The following ZPLD1 variants were observed in gnomAD, a reference collection of about 807,000 sequenced individuals.
The protein encoded by ZPLD1 is zona pellucida-like domain-containing protein 1.
Under a neutral mutation model 47.2 loss-of-function variants are expected in ZPLD1, and 34 were observed. The ratio of observed to expected loss-of-function variants is 0.72; its 90% confidence interval spans 0.55 to 0.96. The LOEUF is 0.96. Ranked by LOEUF, ZPLD1 falls within the 40% of genes least tolerant of loss-of-function variation. The pLI is 0.00. For synonymous variants in ZPLD1, 176 were observed against 186.2 expected (o/e 0.95, Z 0.45); for missense variants, 512 against 505.8 (o/e 1.01, Z -0.12).
intron 5 of ZPLD1, among the ~76,000 whole-genome samples, chr3:102,457,553 G>T (rs1328179796): frequency 1.3e-5 from 2 of 152,192 alleles, no homozygotes; most frequent in South Asian, 2.1e-4. Context: ...AAACAAAAAA[G>T]ATTGCTTTAA....
intron 7 of ZPLD1, among the ~76,000 whole-genome samples, chr3:102,413,136 T>C (rs955374842): frequency 1.3e-5 from 2 of 151,888 alleles, no homozygotes; most frequent in South Asian, 2.1e-4. Flanking sequence ...AGAATATATA[T>C]AGAAACAAAC....
At chr3:102,433,236 G>C (rs1488301265), upstream of ZPLD1, among the ~76,000 whole-genome samples, 1 of 152,152 alleles carries the variant, frequency 6.6e-6, no homozygotes, top group Non-Finnish European at 1.5e-5. Flanking sequence ...ATTTGATTTA[G>C]CATTATATGC....
At chr3:102,465,100 T>C (rs1257202548) in intron 8 of ZPLD1, among the ~76,000 whole-genome samples, 3 of 152,232 alleles carry the variant, frequency 2.0e-5, no homozygotes, top group African/African-American at 7.2e-5. Context: ...GCAACATTTT[T>C]GGGAAAAATT....
intron 3 of ZPLD1, among the ~76,000 whole-genome samples, chr3:102,446,746 C>T (rs1338789650): frequency 6.6e-6 from 1 of 152,166 alleles, no homozygotes; most frequent in Non-Finnish European, 1.5e-5. Context: ...CACCTCTTTG[C>T]TACCAAGACA....
chr3:102,390,056 C>T (rs751210784), intron 6 of ZPLD1, among the ~76,000 whole-genome samples: 1 of 152,098 alleles, frequency 6.6e-6, no homozygotes, highest in African/African-American at 2.4e-5. Context: ...GTGTTACACC[C>T]TCCTTATGAT....
intron 8 of ZPLD1, among the ~76,000 whole-genome samples, chr3:102,426,211 T>C (rs2107310400): frequency 6.6e-6 from 1 of 151,722 alleles, no homozygotes; most frequent in East Asian, 1.9e-4. Flanking sequence ...ACAGAAATAC[T>C]GCCACTACTT....
Position 102,438,501 on chromosome 3 carries a change from G to T in ZPLD1, c.14G>T (p.Trp5Leu), listed in dbSNP as rs1479385198. Residue 5 changes from tryptophan to leucine, a missense_variant, in exon 3 of 12, where the codon TGG becomes TTG. By Grantham distance (61) the Trp-to-Leu change is moderately conservative. Coordinates refer to ENST00000466937, the MANE Select transcript of ZPLD1 (RefSeq NM_001329788.2). The part of the protein sequence containing the change: MEQI[W>L]LLLLLTIRVL... ...CCAGGTTTTGCAATGGAACAAATAT[G>T]GTTGCTGCTGCTTCTAACAATTAGA... is the stretch of plus-strand genomic sequence containing the variant. The T allele has an allele frequency of 6.2e-6, 10 of 1,613,746 alleles. No homozygotes were observed. The highest frequency in any genetic ancestry group is 7.6e-6 in the Non-Finnish European group (9 of 1,179,788).
At chr3:102,472,050 G>C (rs1245836982) in intron 10 of ZPLD1, among the ~76,000 whole-genome samples, 1 of 152,198 alleles carries the variant, frequency 6.6e-6, no homozygotes, top group Non-Finnish European at 1.5e-5. Flanking sequence ...TCAGCAAAAA[G>C]TGGTTTTGGC....
Position 102,470,406 on chromosome 3 carries a change from A to T in ZPLD1, c.946A>T (p.Arg316Ter), listed in dbSNP as rs768070027. The stretch of plus-strand genomic sequence containing the variant: ...ATTAACACCTCAGATTTGCAGCCAC[A>T]GAGAAAGGAGAGATGCTGGGAGGAG... Reference protein sequence around the residue: ...CPFLMPICSHRERRDAGRRTT... With the variant: ...CPFLMPICSH Residue 316 changes from arginine to a stop codon, truncating the protein, a stop_gained, in exon 10 of 12, where the codon AGA (arginine) becomes TGA (stop). Coordinates refer to ENST00000466937, the MANE Select transcript of ZPLD1 (RefSeq NM_001329788.2). LOFTEE classifies it high-confidence loss of function. 5.6e-6 allele frequency: 9 copies of T among 1,614,020 alleles called. No homozygotes were observed. Among genetic ancestry groups the T allele is most frequent in the Non-Finnish European group, 7.6e-6 (9 of 1,179,910 alleles).
intron 7 of ZPLD1, among the ~76,000 whole-genome samples, chr3:102,411,769 GGA>G (rs1421995967): frequency 1.3e-5 from 2 of 151,782 alleles, no homozygotes; most frequent in Non-Finnish European, 2.9e-5. Context: ...TTATAGGATA[GGA>G]GAGATGGAGT....
intron 3 of ZPLD1, among the ~76,000 whole-genome samples, chr3:102,449,349 T>G (rs1489784639): frequency 6.6e-6 from 1 of 152,240 alleles, no homozygotes; most frequent in Non-Finnish European, 1.5e-5. Context: ...AATGTGTCTG[T>G]CTCCTCTAAT....
chr3:102,427,440 C>A (rs939805455), intron 8 of ZPLD1, among the ~76,000 whole-genome samples: 6 of 152,100 alleles, frequency 3.9e-5, no homozygotes, highest in Non-Finnish European at 8.8e-5. Context: ...TCACTTGCCA[C>A]CTCTTCAATT....
At chr3:102,398,477 A>G (rs1706581583) in intron 7 of ZPLD1, among the ~76,000 whole-genome samples, 1 of 152,068 alleles carries the variant, frequency 6.6e-6, no homozygotes, top group Non-Finnish European at 1.5e-5. Flanking sequence ...TCTTTCTAAT[A>G]TAGATGTTGT....
At chr3:102,411,854 A>G (rs1706750773) in intron 7 of ZPLD1, among the ~76,000 whole-genome samples, 1 of 151,852 alleles carries the variant, frequency 6.6e-6, no homozygotes, top group African/African-American at 2.4e-5. Flanking sequence ...CCAATAGGGT[A>G]TATCTCTGTC....
Position 102,453,117 on chromosome 3 carries a change from A to C in ZPLD1, c.305A>C (p.Glu102Ala). The change falls in exon 4 of 12, where the codon GAG (glutamate) becomes GCG (alanine). Residue 102 changes from glutamate to alanine, a missense_variant. Physicochemically the swap from Glu to Ala is moderately radical, Grantham distance 107 (BLOSUM62 -1). Coordinates refer to ENST00000466937, the MANE Select transcript of ZPLD1 (RefSeq NM_001329788.2). ...TTTATCATCAATCTCAGCACCTTGG[A>C]GGGCTGTGGAAACAACCTGGTGGTA... ...VIFIINLSTL[E>A]GCGNNLVVST... is the part of the protein sequence containing the mutation. The C allele has an allele frequency of 6.2e-7, 1 of 1,614,024 alleles. No homozygotes were observed. The highest frequency in any genetic ancestry group is 8.5e-7 in the Non-Finnish European group (1 of 1,179,948).
Position 102,469,145 on chromosome 3 carries a change from T to C in ZPLD1, c.933+10T>C, listed in dbSNP as rs781261041. 6.9e-6 allele frequency: 11 copies of C among 1,600,724 alleles called. No homozygotes were observed. In the South Asian group the frequency reaches 9.0e-5, roughly 13 times the overall value. On this transcript the variant is annotated intron_variant, in intron 9 of 11. Transcript: ENST00000466937. ...CCCCTTCCTTATGCCGGTATGTTTT[T>C]AAGGAACTTCATTTTAAGTTGTTGA...
chr3:102,451,067 A>G (rs1396588509), intron 3 of ZPLD1, among the ~76,000 whole-genome samples: 3 of 152,182 alleles, frequency 2.0e-5, no homozygotes, highest in Admixed American at 6.5e-5. Context: ...GCCATGAAAA[A>G]GATTTTTCAT....
chr3:102,447,229 C>T (rs1183072910), intron 3 of ZPLD1, among the ~76,000 whole-genome samples: 2 of 152,094 alleles, frequency 1.3e-5, no homozygotes, highest in Non-Finnish European at 2.9e-5. Flanking sequence ...CCACACCTGG[C>T]TAATTTTTGT....
At chr3:102,438,636 G>C in intron 3 of ZPLD1, 43 bp downstream of exon 3, 1 of 1,468,756 alleles carries the variant, frequency 6.8e-7, no homozygotes, top group Non-Finnish European at 9.5e-7. Context: ...TTCTGGAAGA[G>C]TGATTATATT....
Sources: allele counts gnomAD v4.1 joint callset (sites outside exome capture counted in the v4.1 genomes callset), GRCh38; gene constraint gnomAD v4.1.1; transcripts MANE v1.5; gene names NCBI Gene and HGNC (gene_info 2026-07-23, HGNC 2026-07-21).